SNX25: variants seen among roughly 807,000 people sequenced by gnomAD.
SNX25 encodes sorting nexin 25, also known as sorting nexin-25.
A neutral mutation model predicts 113.7 loss-of-function variants in SNX25; 62 were observed. The observed-to-expected ratio is 0.55, with a 90% CI of 0.44 to 0.67. The LOEUF is 0.67. Among genes scored for constraint, SNX25 ranks in the 30% least tolerant of loss-of-function variants. The pLI is 0.00. For missense variants in SNX25, 1,014 were observed against 1,161.0 expected, an observed-to-expected ratio of 0.87 and a Z score of 1.84; for synonymous variants, 421 against 436.2, an observed-to-expected ratio of 0.97 and a Z score of 0.43.
chr4:185,207,074 A>AT (rs1374804620), upstream of SNX25, among the ~76,000 whole-genome samples: 22 of 152,250 alleles, frequency 1.4e-4, no homozygotes, highest in African/African-American at 5.1e-4. Context: ...GGTTGCCCAC[A>AT]TCAAGGGTGG....
Position 185,232,466 on chromosome 4 carries a change from G to T in SNX25, c.430-14828G>T, listed in dbSNP as rs1418611708. Among the ~76,000 whole-genome samples, 4 of 152,026 alleles carry T rather than the reference G, an allele frequency of 2.6e-5. No homozygotes were observed. Among genetic ancestry groups the T allele is most frequent in the Non-Finnish European group, 2.9e-5 (2 of 68,034 alleles). On this transcript the variant is annotated intron_variant, in intron 1 of 18. Coordinates refer to ENST00000652585, the MANE Select transcript of SNX25 (RefSeq NM_001378034.2). This position sits in a 1 kb window ranked among gnomAD's most constrained non-coding sequence, Gnocchi z 4.4. The stretch of plus-strand genomic sequence containing the variant: ...GTTTGCTTATCATGACTTTCTAGGT[G>T]CATGAGCCGTGCAGTTTGTCATGTC...
chr4:185,231,513 C>A (rs1741859899), intron 1 of SNX25, among the ~76,000 whole-genome samples: 2 of 151,634 alleles, frequency 1.3e-5, no homozygotes, highest in African/African-American at 2.4e-5. Context: ...AGTTCAAGAC[C>A]AGCCTGGCCA....
rs1450626928 is a variant in SNX25, at chr4:185,339,310, C to A, written c.1915-69C>A. The A allele has an allele frequency of 6.9e-6, 10 of 1,443,974 alleles. No homozygotes were observed. The Admixed American group carries it at 1.8e-4, about 25-fold the overall frequency. The allele number at this position is 1,443,974 out of a possible 1,614,324, so 89.4% of individuals were successfully genotyped here. On this transcript the variant is annotated intron_variant, in intron 10 of 18. Transcript: ENST00000652585. ...TGATTATTGTGTGTTGACTTTGAAT[C>A]CTGCTACTTTGCTGAATTGCATAGT... is the stretch of plus-strand genomic sequence containing the variant.
At chr4:185,209,190 CTG>C (rs999348318), upstream of SNX25, 1 of 152,220 alleles carries the variant, frequency 6.6e-6, no homozygotes, top group Non-Finnish European at 1.5e-5. The surrounding 1 kb of genome is among the most constrained non-coding windows in gnomAD (Gnocchi z 5.2). Context: ...TCGTTAGAAA[CTG>C]TGACAGGGAG....
chr4:185,238,410 T>G (rs2126441232), intron 1 of SNX25, among the ~76,000 whole-genome samples: 1 of 152,244 alleles, frequency 6.6e-6, no homozygotes, highest in East Asian at 1.9e-4. Flanking sequence ...TAGGTGGCCT[T>G]TGAAGTTTCT....
chr4:185,315,328 C>CT (rs1233091540), intron 7 of SNX25, among the ~76,000 whole-genome samples: 1 of 138,278 alleles, frequency 7.2e-6, no homozygotes, highest in Non-Finnish European at 1.5e-5. Context: ...GAGTCTTCCT[C>CT]TGTTGTTCAG....
At chr4:185,330,403 GGCTGAT>G (rs1334228852) in intron 9 of SNX25, among the ~76,000 whole-genome samples, 1 of 152,224 alleles carries the variant, frequency 6.6e-6, no homozygotes, top group Non-Finnish European at 1.5e-5. Flanking sequence ...TTAGCCATTA[GGCTGAT>G]GCCCTTTGGA....
chr4:185,375,202 G>A, the SNX25 span, among the ~76,000 whole-genome samples: 4 of 150,424 alleles, frequency 2.7e-5, no homozygotes, highest in African/African-American at 7.3e-5. Context: ...CAGCCTCCCA[G>A]GTAGCTGGGA....
intron 6 of SNX25, among the ~76,000 whole-genome samples, chr4:185,304,449 C>A (rs1283611271): frequency 6.6e-6 from 1 of 152,176 alleles, no homozygotes; most frequent in Admixed American, 6.5e-5. Context: ...CCTCCACCTC[C>A]TGGGTTCAAG....
At chr4:185,266,400 G>A (rs929903980) in intron 4 of SNX25, among the ~76,000 whole-genome samples, 1 of 151,998 alleles carries the variant, frequency 6.6e-6, no homozygotes, top group Non-Finnish European at 1.5e-5. Flanking sequence ...TCACTCTGTC[G>A]CCAAGGCTGG....
At chr4:185,329,335 T>A in intron 9 of SNX25, among the ~76,000 whole-genome samples, 1 of 151,954 alleles carries the variant, frequency 6.6e-6, no homozygotes, top group East Asian at 1.9e-4. Flanking sequence ...GTGGAGAGGA[T>A]GTGGGAATGT....
intron 5 of SNX25, among the ~76,000 whole-genome samples, chr4:185,270,341 T>C (rs184854248): frequency 5.6e-4 from 86 of 152,308 alleles, no homozygotes; most frequent in African/African-American, 1.8e-3. Context: ...CCTGCTACTA[T>C]GTGATGAAAC....
At chr4:185,376,862 A>G in the SNX25 span, 1 of 1,395,052 alleles carries the variant, frequency 7.2e-7, no homozygotes, top group Non-Finnish European at 1.0e-6. Context: ...CTGAGGATCT[A>G]ACAACAGAAT....
intron 5 of SNX25, among the ~76,000 whole-genome samples, chr4:185,276,314 C>T (rs916999589): frequency 6.6e-6 from 1 of 152,126 alleles, no homozygotes; most frequent in Admixed American, 6.5e-5. Flanking sequence ...ATCATTAGAC[C>T]AAGGATAGCA....
chr4:185,267,295 A>G (rs1748256540), intron 5 of SNX25, 140 bp downstream of exon 5: 2 of 791,360 alleles, frequency 2.5e-6, no homozygotes, highest in Middle Eastern at 3.2e-4. Flanking sequence ...GTGACAGCTA[A>G]ATTTATCCAG....
chr4:185,347,444 T>C (rs1397168482), intron 13 of SNX25, among the ~76,000 whole-genome samples: 2 of 149,610 alleles, frequency 1.3e-5, no homozygotes, highest in African/African-American at 5.0e-5. Context: ...GGGTTTGGTG[T>C]TTTTTTTTGT....
chr4:185,235,756 T>C (rs1742521009), intron 1 of SNX25, among the ~76,000 whole-genome samples: 1 of 152,088 alleles, frequency 6.6e-6, no homozygotes, highest in South Asian at 2.1e-4. Context: ...AAAAATTAGC[T>C]GGGATTGGTG....
At chr4:185,351,246 G>C (rs1484653772) in intron 13 of SNX25, among the ~76,000 whole-genome samples, 199 bp from the exon 14 acceptor site, 1 of 152,190 alleles carries the variant, frequency 6.6e-6, no homozygotes, top group African/African-American at 2.4e-5. Flanking sequence ...TAGTTAACCT[G>C]GAGGGGATTG....
chr4:185,352,367 T>G (rs893934993), intron 14 of SNX25, among the ~76,000 whole-genome samples: 33 of 152,158 alleles, frequency 2.2e-4, no homozygotes, highest in African/African-American at 7.5e-4. Flanking sequence ...GAGGAACTGA[T>G]GGTGAAAAGC....
Sources: allele counts gnomAD v4.1 joint callset (sites outside exome capture counted in the v4.1 genomes callset), GRCh38; gene constraint gnomAD v4.1.1; non-coding constraint Gnocchi (gnomAD v3.1); transcripts MANE v1.5; gene names NCBI Gene and HGNC (gene_info 2026-07-23, HGNC 2026-07-21).